The following MIGA1 variants were observed in gnomAD, a reference collection of about 807,000 sequenced individuals.
The protein encoded by MIGA1 is family with sequence similarity 73, member A.
MIGA1 carries 58 observed loss-of-function variants against 82.0 expected under a neutral mutation model. The observed-to-expected ratio is 0.71, with a 90% CI of 0.57 to 0.88. MIGA1 has a LOEUF of 0.88. Among genes scored for constraint, MIGA1 ranks in the 40% least tolerant of loss-of-function variants. The pLI is 0.00. For missense variants in MIGA1, 751 were observed against 749.1 expected (o/e 1.00, Z -0.03); for synonymous variants, 249 against 253.6 (o/e 0.98, Z 0.17).
At chr1:77,797,252 C>T (rs1222459498) in intron 2 of MIGA1, among the ~76,000 whole-genome samples, 2 of 152,084 alleles carry the variant, frequency 1.3e-5, no homozygotes, top group Non-Finnish European at 2.9e-5. Flanking sequence ...CATATTTTCT[C>T]CTGTGTTTTC....
intron 2 of MIGA1, among the ~76,000 whole-genome samples, chr1:77,792,101 A>G (rs1283087199): frequency 6.6e-6 from 1 of 152,180 alleles, no homozygotes; most frequent in Admixed American, 6.5e-5. Flanking sequence ...CTTTATTGAA[A>G]TGCTAGCAGT....
At chr1:77,865,628 A>G (rs1685634575) in intron 13 of MIGA1, among the ~76,000 whole-genome samples, 1 of 152,172 alleles carries the variant, frequency 6.6e-6, no homozygotes, top group Non-Finnish European at 1.5e-5. Flanking sequence ...CTTTATTATT[A>G]CACATAGAAT....
At chr1:77,835,216 C>CTT (rs978246718) in intron 7 of MIGA1, among the ~76,000 whole-genome samples, 36 of 152,182 alleles carry the variant, frequency 2.4e-4, no homozygotes, top group African/African-American at 6.7e-4. Context: ...GAAAAAAACT[C>CTT]AAGTAATATG....
At chr1:77,870,918 C>G (rs1685954577) in intron 14 of MIGA1, among the ~76,000 whole-genome samples, 1 of 31,072 alleles carries the variant, frequency 3.2e-5, no homozygotes, top group African/African-American at 1.3e-4. Flanking sequence ...CCCGTCTCCA[C>G]CAAAAAAAAA....
At chr1:77,823,689 T>C (rs1683917638) in intron 7 of MIGA1, among the ~76,000 whole-genome samples, 2 of 152,292 alleles carry the variant, frequency 1.3e-5, no homozygotes, top group South Asian at 4.1e-4. Flanking sequence ...CTCAGCCTCC[T>C]GAGTAGCTAG....
intron 7 of MIGA1, among the ~76,000 whole-genome samples, chr1:77,828,855 T>C (rs1348389371): frequency 6.6e-6 from 1 of 152,116 alleles, no homozygotes; most frequent in Non-Finnish European, 1.5e-5. Flanking sequence ...TTTGTATTTT[T>C]TGTAGACATG....
intron 2 of MIGA1, among the ~76,000 whole-genome samples, chr1:77,786,765 A>G (rs1039057503): frequency 3.9e-4 from 60 of 152,206 alleles, no homozygotes; most frequent in Admixed American, 3.9e-3. Flanking sequence ...AAGCCATTCA[A>G]CAAGACTCTA....
chr1:77,829,880 GC>G (rs369552182), intron 7 of MIGA1, among the ~76,000 whole-genome samples: 11 of 141,406 alleles, frequency 7.8e-5, no homozygotes, highest in Middle Eastern at 3.8e-3. Flanking sequence ...GATTTGCAAA[GC>G]CCCCCCACCC....
At chr1:77,859,600 C>T (rs1464759027) in intron 10 of MIGA1, 10 of 493,698 alleles carry the variant, frequency 2.0e-5, no homozygotes, top group South Asian at 3.9e-5. Flanking sequence ...CCCAGGCCCA[C>T]GACACTTTGT....
chr1:77,834,365 G>A (rs1015591238), intron 7 of MIGA1, among the ~76,000 whole-genome samples: 8 of 151,956 alleles, frequency 5.3e-5, no homozygotes, highest in Admixed American at 5.3e-4. Context: ...ATATAGAGAT[G>A]GGATTTCGGT....
At chr1:77,840,144 A>G (rs1340580807) in intron 7 of MIGA1, among the ~76,000 whole-genome samples, 2 of 152,194 alleles carry the variant, frequency 1.3e-5, no homozygotes, top group Admixed American at 6.5e-5. Context: ...TTATTGTCGT[A>G]TCTAAGAAAC....
intron 12 of MIGA1, among the ~76,000 whole-genome samples, chr1:77,862,889 C>G (rs1027531133): frequency 6.7e-6 from 1 of 148,718 alleles, no homozygotes; most frequent in Non-Finnish European, 1.5e-5. Flanking sequence ...TGCAGTAAGC[C>G]GAGATCGTGC....
At chr1:77,779,843 T>C (rs1404558570) in intron 1 of MIGA1, 107 bp downstream of exon 1, 3 of 1,432,876 alleles carry the variant, frequency 2.1e-6, no homozygotes, top group African/African-American at 1.4e-5. Flanking sequence ...TGGCGCGGAC[T>C]CCATCGCTGG....
At chr1:77,854,851 CTT>C (rs1360411659) in intron 8 of MIGA1, among the ~76,000 whole-genome samples, 2 of 152,154 alleles carry the variant, frequency 1.3e-5, no homozygotes, top group Non-Finnish European at 2.9e-5. Flanking sequence ...GGGTTGTCTA[CTT>C]ACTCTGTCAA....
Position 77,813,818 on chromosome 1 carries a change from G to T in MIGA1, c.722G>T (p.Gly241Val), listed in dbSNP as rs2101799808. Residue 241 changes from glycine (G) to valine (V), a missense_variant, in exon 6 of 16, where the codon GGT becomes GTT. By Grantham distance (109) the Gly-to-Val change is moderately radical. Transcript: ENST00000370791. ...AGACAGGCTGAAGATGAAGCCTGTG[G>T]TTCCATTAAACTGGGTGCAGGAGAT... 6.2e-7 allele frequency: 1 copy of T among 1,614,200 alleles called. No individual in the cohort carries two copies. The highest frequency in any genetic ancestry group is 8.5e-7 in the Non-Finnish European group (1 of 1,180,034).
rs1646896802 is a variant in MIGA1 at position 77,876,727 on chromosome 1, T to A, written c.*1663T>A. On this transcript the variant is annotated 3_prime_UTR_variant, in exon 16 of 16. Coordinates refer to ENST00000370791, the MANE Select transcript of MIGA1 (RefSeq NM_198549.4). The stretch of plus-strand genomic sequence containing the variant: ...TTTTAAAGAAGAGTTTTTTCCTCCC[T>A]GGAATGTAAAACAAAAATATTTTTT... 2 of 152,210 alleles carry A rather than the reference T, an allele frequency of 1.3e-5. No individual in the cohort carries two copies. Among genetic ancestry groups the A allele is most frequent in the South Asian group, 4.1e-4 (2 of 4,834 alleles). The allele number at this position is 152,210 out of a possible 1,614,324, so 9.4% of individuals were successfully genotyped here. A position where few individuals can be genotyped will look rare whatever the true frequency, so the allele number is the denominator to read the frequency against.
chr1:77,850,065 G>A (rs1684990189), intron 8 of MIGA1, among the ~76,000 whole-genome samples: 1 of 151,248 alleles, frequency 6.6e-6, no homozygotes, highest in Non-Finnish European at 1.5e-5. Flanking sequence ...ATGAAGGCTT[G>A]ACTGGGGCTG....
chr1:77,783,159 A>G, intron 1 of MIGA1, 79 bp from the exon 2 acceptor site: 2 of 924,226 alleles, frequency 2.2e-6, no homozygotes, highest in Non-Finnish European at 3.2e-6. Context: ...ATAGAATTAA[A>G]TTTTCAGTTT....
chr1:77,803,073 T>A (rs1178438899), intron 3 of MIGA1, among the ~76,000 whole-genome samples, 197 bp from the exon 4 acceptor site: 1 of 152,040 alleles, frequency 6.6e-6, no homozygotes, highest in African/African-American at 2.4e-5. Context: ...TTAGCAGTGT[T>A]GAAAAAAGAT....
Sources: allele counts gnomAD v4.1 joint callset (sites outside exome capture counted in the v4.1 genomes callset), GRCh38; gene constraint gnomAD v4.1.1; transcripts MANE v1.5; gene names NCBI Gene and HGNC (gene_info 2026-07-23, HGNC 2026-07-21).